The following PRIM2 variants were observed in gnomAD, a reference collection of about 807,000 sequenced individuals.
PRIM2 encodes DNA primase large subunit.
Under a neutral mutation model 67.3 loss-of-function variants are expected in PRIM2, and 39 were observed. The observed-to-expected ratio is 0.58, with a 90% CI of 0.45 to 0.76. The LOEUF (loss-of-function observed/expected upper bound fraction) is 0.76, where lower values mean the gene tolerates loss of function less well. Among genes scored for constraint, PRIM2 ranks in the 30% least tolerant of loss-of-function variants. The probability of loss-of-function intolerance (pLI) is 0.00; values close to 1 mark genes in which losing one functional copy is unlikely to be tolerated. For missense variants in PRIM2, 398 were observed against 598.7 expected (o/e 0.66, Z 3.50); for synonymous variants, 143 against 198.7 (o/e 0.72, Z 2.36).
intron 9 of PRIM2, among the ~76,000 whole-genome samples, chr6:57,535,376 T>G (rs1334350727): frequency 1.3e-5 from 2 of 152,334 alleles, no homozygotes; most frequent in East Asian, 3.9e-4. Flanking sequence ...CCTGTCACAG[T>G]GCTTCTGTGG....
intron 13 of PRIM2, among the ~76,000 whole-genome samples, chr6:57,642,460 T>TTTTTTTTTTA (rs1777258836): frequency 1.9e-5 from 2 of 106,150 alleles, no homozygotes; most frequent in Admixed American, 9.0e-5. Context: ...TTTTTTTTTT[T>TTTTTTTTTTA]GAGACGGAGT....
At chr6:57,281,611 A>G in the PRIM2 span, among the ~76,000 whole-genome samples, 2 of 152,198 alleles carry the variant, frequency 1.3e-5, no homozygotes, top group African/African-American at 2.4e-5. Flanking sequence ...CTGAAACCCA[A>G]CTGTACTTGA....
chr6:57,423,697 A>G (rs1194371850), intron 7 of PRIM2, among the ~76,000 whole-genome samples: 1 of 152,248 alleles, frequency 6.6e-6, no homozygotes, highest in African/African-American at 2.4e-5. Flanking sequence ...TGCAAAGCCA[A>G]GGGAAGCTTC....
chr6:57,584,045 TTTTTTG>T (rs1243617853), intron 10 of PRIM2, among the ~76,000 whole-genome samples: 2 of 152,164 alleles, frequency 1.3e-5, no homozygotes, highest in Non-Finnish European at 2.9e-5. Flanking sequence ...TACCCTGGTT[TTTTTTG>T]TTTTTGTTTT....
chr6:57,327,124 C>A (rs9475840), intron 5 of PRIM2, among the ~76,000 whole-genome samples: 19,254 of 151,802 alleles, frequency 0.13, 1,350 homozygotes, highest in African/African-American at 0.18. Flanking sequence ...TGGTCTTGAA[C>A]CCCCTGACCT....
chr6:57,397,468 C>G (rs972486372), intron 7 of PRIM2, among the ~76,000 whole-genome samples: 1 of 152,152 alleles, frequency 6.6e-6, no homozygotes, highest in African/African-American at 2.4e-5. Flanking sequence ...TTTGCTGAGA[C>G]TTTCCAGAGC....
chr6:57,514,861 C>G (rs1211723629), intron 8 of PRIM2, among the ~76,000 whole-genome samples: 3 of 152,094 alleles, frequency 2.0e-5, no homozygotes, highest in African/African-American at 7.2e-5. Context: ...CAGTACCCCC[C>G]TCCCCACCCA....
At chr6:57,639,919 G>A (rs2127501354) in intron 13 of PRIM2, among the ~76,000 whole-genome samples, 1 of 151,986 alleles carries the variant, frequency 6.6e-6, no homozygotes, top group Admixed American at 6.5e-5. Flanking sequence ...AAACCTGGCA[G>A]AGACACAACA....
At chr6:57,616,983 C>T (rs1224076157) in intron 12 of PRIM2, among the ~76,000 whole-genome samples, 1 of 152,194 alleles carries the variant, frequency 6.6e-6, no homozygotes, top group East Asian at 1.9e-4. Flanking sequence ...TATGTCTGTA[C>T]CACATTTTGT....
intron 5 of PRIM2, among the ~76,000 whole-genome samples, chr6:57,346,664 T>G (rs1211681583): frequency 2.0e-5 from 3 of 152,178 alleles, no homozygotes; most frequent in African/African-American, 7.2e-5. Context: ...TCTTTCCCTC[T>G]TTCCTCCAAG....
At chr6:57,627,131 A>G (rs1240475427) in intron 12 of PRIM2, among the ~76,000 whole-genome samples, 1 of 150,416 alleles carries the variant, frequency 6.6e-6, no homozygotes, top group African/African-American at 2.4e-5. Flanking sequence ...AAATTCAAAA[A>G]TTAGCTGGGT....
intron 10 of PRIM2, among the ~76,000 whole-genome samples, chr6:57,591,681 C>T (rs1403114142): frequency 3.3e-5 from 5 of 152,048 alleles, no homozygotes; most frequent in Admixed American, 6.6e-5. Context: ...TGGGTGATGG[C>T]GAGATCGTGG....
At chr6:57,261,703 G>C in the PRIM2 span, among the ~76,000 whole-genome samples, 16 of 152,220 alleles carry the variant, frequency 1.1e-4, no homozygotes, top group Non-Finnish European at 1.2e-4. Flanking sequence ...GCCAATGGGT[G>C]GCAGCAGCAG....
intron 11 of PRIM2, among the ~76,000 whole-genome samples, chr6:57,602,829 T>G (rs1170978330): frequency 6.6e-6 from 1 of 152,244 alleles, no homozygotes; most frequent in African/African-American, 2.4e-5. Flanking sequence ...TTACTTATTC[T>G]GTTTTTAAAA....
At chr6:57,238,825 A>G in the PRIM2 span, among the ~76,000 whole-genome samples, 78 of 152,342 alleles carry the variant, frequency 5.1e-4, no homozygotes, top group African/African-American at 1.9e-3. Context: ...AGCAAGACTA[A>G]TAAAGCAGAA....
chr6:57,300,021 C>G, the PRIM2 span, among the ~76,000 whole-genome samples: 1 of 152,148 alleles, frequency 6.6e-6, no homozygotes, highest in Non-Finnish European at 1.5e-5. Context: ...GAGCAGACAC[C>G]CTCCCATGGG....
At chr6:57,276,872 A>G in the PRIM2 span, among the ~76,000 whole-genome samples, 1 of 152,076 alleles carries the variant, frequency 6.6e-6, no homozygotes, top group Non-Finnish European at 1.5e-5. Flanking sequence ...CTGGGTGACC[A>G]ACTGAGACCC....
chr6:57,617,342 A>G (rs1776773486), intron 12 of PRIM2, among the ~76,000 whole-genome samples: 1 of 152,132 alleles, frequency 6.6e-6, no homozygotes, highest in African/African-American at 2.4e-5. Flanking sequence ...CATTTTGATT[A>G]CCTCTGTAAA....
the PRIM2 span, among the ~76,000 whole-genome samples, chr6:57,254,887 T>C: frequency 1.3e-5 from 2 of 152,192 alleles, no homozygotes; most frequent in Non-Finnish European, 2.9e-5. Flanking sequence ...TAATCACTTA[T>C]GTCTTCAGAT....
Sources: gnomAD v4.1 joint callset for allele counts (sites outside exome capture counted in the v4.1 genomes callset) on GRCh38, gnomAD v4.1.1 for gene constraint, MANE v1.5 for transcripts, NCBI Gene and HGNC (gene_info 2026-07-23, HGNC 2026-07-21) for gene names.